SECISBP2: variants seen among roughly 807,000 people sequenced by gnomAD.
SECISBP2 encodes the protein selenocysteine insertion sequence-binding protein 2.
A neutral mutation model predicts 98.2 loss-of-function variants in SECISBP2; 96 were observed. The observed-to-expected ratio is 0.98, with a 90% CI of 0.83 to 1.16. The LOEUF is 1.16. SECISBP2 is among the 50% of genes most tolerant of loss of function. The pLI, the probability that SECISBP2 is intolerant of heterozygous loss-of-function variation, is 0.00. For missense variants in SECISBP2, 1,046 were observed against 1,022.9 expected (o/e 1.02, Z -0.31); for synonymous variants, 407 against 370.2 (o/e 1.10, Z -1.14).
chr9:89,351,461 G>A (rs2132003346), intron 14 of SECISBP2, among the ~76,000 whole-genome samples: 1 of 152,186 alleles, frequency 6.6e-6, no homozygotes, highest in Non-Finnish European at 1.5e-5. Context: ...TCCTCGAATT[G>A]AGCAATAGGA....
chr9:89,360,121 T>G (rs1192420757), downstream of SECISBP2, among the ~76,000 whole-genome samples: 1 of 152,204 alleles, frequency 6.6e-6, no homozygotes, highest in Admixed American at 6.5e-5. Flanking sequence ...GAGCTCACAG[T>G]GACCAGTGTG....
chr9:89,358,125 C>A lies in SECISBP2; in HGVS notation c.2395C>A (p.Gln799Lys). ...RPQAPPSLPT[Q>K]GPSCPAEDGP... The stretch of plus-strand genomic sequence containing the variant: ...TCAGGCACCTCCCAGCCTACCCACA[C>A]AGGGCCCCAGCTGCCCTGCAGAAGA... Residue 799 changes from glutamine to lysine, a missense_variant, in exon 16 of 17, where the codon CAG becomes AAG. By Grantham distance (53) the Gln-to-Lys change is moderately conservative. Transcript: ENST00000375807. 6.2e-7 allele frequency: 1 copy of A among 1,613,852 alleles called. No individual in the cohort carries two copies. The highest frequency in any genetic ancestry group is 8.5e-7 in the Non-Finnish European group (1 of 1,179,954).
At chr9:89,340,850 T>G (rs1829549987) in intron 9 of SECISBP2, among the ~76,000 whole-genome samples, 1 of 152,250 alleles carries the variant, frequency 6.6e-6, no homozygotes, top group South Asian at 2.1e-4. Flanking sequence ...ACACTTGTTT[T>G]GAGCATATCA....
At chr9:89,365,069 G>A in the SECISBP2 span, 3 of 152,292 alleles carry the variant, frequency 2.0e-5, no homozygotes, top group Admixed American at 6.5e-5. Context: ...TCAACTCCCT[G>A]TTCTTACTGA....
rs746336343 is a variant in SECISBP2 at position 89,341,329 on chromosome 9, C to G, written c.1303-18C>G. On this transcript the variant is annotated intron_variant, in intron 9 of 16. Coordinates refer to ENST00000375807, the MANE Select transcript of SECISBP2 (RefSeq NM_024077.5). The stretch of plus-strand genomic sequence containing the variant: ...TTGTATAGTTTTATAAGTAAACTTA[C>G]GAATTTTGAACTTTCAGGATAATTT... 1.2e-6 allele frequency: 2 copies of G among 1,609,040 alleles called. No individual in the cohort carries two copies. Among genetic ancestry groups the G allele is most frequent in the South Asian group, 1.1e-5 (1 of 90,894 alleles).
At chr9:89,362,567 T>A (rs1832862142), downstream of SECISBP2, 9 of 1,472,144 alleles carry the variant, frequency 6.1e-6, no homozygotes, top group South Asian at 1.0e-4. Context: ...CTCCTTGGAG[T>A]CTAAAGATCC....
chr9:89,336,779 T>TC (rs1828800784), intron 7 of SECISBP2, among the ~76,000 whole-genome samples: 1 of 143,490 alleles, frequency 7.0e-6, no homozygotes, highest in East Asian at 2.0e-4. Context: ...TTTTTTTTTT[T>TC]TTTTTTTTTT....
At chr9:89,338,629 T>C in intron 8 of SECISBP2, 49 bp downstream of exon 8, 1 of 1,578,646 alleles carries the variant, frequency 6.3e-7, no homozygotes, top group Non-Finnish European at 8.6e-7. Flanking sequence ...AAGTGGGTCT[T>C]TCTTAAAAGA....
intron 10 of SECISBP2, among the ~76,000 whole-genome samples, chr9:89,344,272 T>C (rs1192008441): frequency 6.6e-6 from 1 of 152,242 alleles, no homozygotes; most frequent in Non-Finnish European, 1.5e-5. Flanking sequence ...GTCTGTTCAC[T>C]CTGATGATGG....
intron 2 of SECISBP2, among the ~76,000 whole-genome samples, chr9:89,321,318 T>C (rs919327779): frequency 1.3e-5 from 2 of 152,254 alleles, no homozygotes; most frequent in African/African-American, 4.8e-5. Flanking sequence ...ATTTTGGCAG[T>C]AACATGAGTG....
intron 3 of SECISBP2, 52 bp from the exon 4 acceptor site, chr9:89,325,845 C>CT (rs1472871161): frequency 9.3e-6 from 15 of 1,610,750 alleles, no homozygotes; most frequent in Non-Finnish European, 1.3e-5. Context: ...TGCTTTAAAC[C>CT]TTTTTTATAG....
chr9:89,335,810 TA>T (rs1435871148), intron 7 of SECISBP2, among the ~76,000 whole-genome samples: 2 of 152,226 alleles, frequency 1.3e-5, no homozygotes, highest in Non-Finnish European at 2.9e-5. Flanking sequence ...CATATCGACT[TA>T]AAATATCTGT....
chr9:89,318,905 G>A, intron 1 of SECISBP2: 1 of 1,234,048 alleles, frequency 8.1e-7, no homozygotes, highest in Non-Finnish European at 1.0e-6. Context: ...GGGGCGGGGG[G>A]ACTCTGGCGA....
intron 8 of SECISBP2, among the ~76,000 whole-genome samples, chr9:89,339,499 AC>A (rs1483024414): frequency 6.6e-6 from 1 of 152,238 alleles, no homozygotes; most frequent in Non-Finnish European, 1.5e-5. Context: ...GCCTGGGTTC[AC>A]CAGAGATAAC....
chr9:89,341,427 G>C lies in SECISBP2; in HGVS notation c.1383G>C (p.Lys461Asn), dbSNP rs777163311. Residue 461 changes from lysine to asparagine, a missense_variant, in exon 10 of 17, where the codon AAG (lysine) becomes AAC (asparagine). Coordinates refer to ENST00000375807, the MANE Select transcript of SECISBP2 (RefSeq NM_024077.5). ...DLGGMLTALE[K>N]KQHSQHAKQS... Reference sequence around the variant, plus strand: ...GGGGCATGCTGACAGCCCTGGAGAAGAAGCAGCACTCTCAGCATGCAAAGC... The same window carrying C: ...GGGGCATGCTGACAGCCCTGGAGAACAAGCAGCACTCTCAGCATGCAAAGC... 12 of 1,614,160 alleles carry C rather than the reference G, an allele frequency of 7.4e-6. No homozygotes were observed. Among genetic ancestry groups the C allele is most frequent in the Non-Finnish European group, 1.0e-5 (12 of 1,180,014 alleles).
intron 16 of SECISBP2, 49 bp downstream of exon 16, chr9:89,358,240 C>T: frequency 6.4e-7 from 1 of 1,562,494 alleles, no homozygotes; most frequent in Non-Finnish European, 8.7e-7. Context: ...CTCTTATTTA[C>T]TGACTTTAAT....
Position 89,350,686 on chromosome 9 carries a change from CAA to C in SECISBP2, c.1949_1950del (p.Lys650ArgfsTer20). ...TGGATGCTTGTGTTACCGACCTACT[CAA>C]AGAACTGGTCCGTTTCCAAGACCGT... ...EVDACVTDLL[K>X]ELVRFQDRMY... On this transcript the variant is annotated frameshift_variant, in exon 14 of 17. Coordinates refer to ENST00000375807, the MANE Select transcript of SECISBP2 (RefSeq NM_024077.5). LOFTEE classifies it high-confidence loss of function. 6.2e-7 allele frequency: 1 copy of C among 1,614,194 alleles called. No individual in the cohort carries two copies. The highest frequency in any genetic ancestry group is 8.5e-7 in the Non-Finnish European group (1 of 1,180,030).
chr9:89,350,048 T>C (rs2131981435), intron 13 of SECISBP2, 119 bp downstream of exon 13: 3 of 1,228,314 alleles, frequency 2.4e-6, no homozygotes, highest in Non-Finnish European at 3.5e-6. Context: ...AAAAACCTCA[T>C]GGTTGAAAGA....
intron 4 of SECISBP2, among the ~76,000 whole-genome samples, chr9:89,328,365 T>G (rs749258348): frequency 6.6e-6 from 1 of 152,242 alleles, no homozygotes; most frequent in Non-Finnish European, 1.5e-5. Flanking sequence ...GTTGTATACG[T>G]AATCCATTGC....
Sources: gnomAD v4.1 joint callset for allele counts (sites outside exome capture counted in the v4.1 genomes callset) on GRCh38, gnomAD v4.1.1 for gene constraint, MANE v1.5 for transcripts, NCBI Gene and HGNC (gene_info 2026-07-23, HGNC 2026-07-21) for gene names.